The following SLC5A11 variants were observed in gnomAD, a reference collection of about 807,000 sequenced individuals.
SLC5A11 encodes sodium/myo-inositol cotransporter 2.
Under a neutral mutation model 69.8 loss-of-function variants are expected in SLC5A11, and 48 were observed. The observed-to-expected ratio is 0.69, with a 90% CI of 0.55 to 0.87. The LOEUF (loss-of-function observed/expected upper bound fraction) is 0.87, where lower values mean the gene tolerates loss of function less well. Ranked by LOEUF, SLC5A11 falls within the 40% of genes least tolerant of loss-of-function variation. SLC5A11 has a pLI of 0.00. For synonymous variants in SLC5A11, 319 were observed against 342.4 expected, an observed-to-expected ratio of 0.93 and a Z score of 0.75; for missense variants, 784 against 866.1, an observed-to-expected ratio of 0.91 and a Z score of 1.19.
At chr16:24,905,266 A>C (rs2049933829) in intron 10 of SLC5A11, among the ~76,000 whole-genome samples, 1 of 121,962 alleles carries the variant, frequency 8.2e-6, no homozygotes, top group Non-Finnish European at 1.7e-5. Context: ...TCTACTAAAA[A>C]TACAAAAAAA....
chr16:24,908,086 G>A (rs1219596649), exon 13 of SLC5A11: 17 of 1,607,972 alleles, frequency 1.1e-5, no homozygotes, highest in Middle Eastern at 1.7e-4. Flanking sequence ...CGCCTGTGGC[G>A]GTGGTCTTCA....
chr16:24,907,854 C>T (rs2050187887), intron 12 of SLC5A11, 109 bp from the exon 14 acceptor site: 1 of 1,453,358 alleles, frequency 6.9e-7, no homozygotes, highest in East Asian at 2.3e-5. Context: ...CCACTGCACC[C>T]CGGCCTTGGC....
intron 8 of SLC5A11, among the ~76,000 whole-genome samples, chr16:24,887,973 G>A (rs557209307): frequency 6.6e-6 from 1 of 152,014 alleles, no homozygotes; most frequent in Non-Finnish European, 1.5e-5. Flanking sequence ...GCTGTTATAG[G>A]TTGACAGAAA....
intron 3 of SLC5A11, among the ~76,000 whole-genome samples, chr16:24,869,379 G>A (rs890854584): frequency 5.3e-5 from 8 of 152,168 alleles, no homozygotes; most frequent in Admixed American, 2.0e-4. Flanking sequence ...GCTTGGGCCA[G>A]GTACCCAGGC....
chr16:24,874,797 G>T (rs2047561369), intron 5 of SLC5A11, among the ~76,000 whole-genome samples: 1 of 152,032 alleles, frequency 6.6e-6, no homozygotes. Context: ...GTCCAGGCTG[G>T]TGTTGAACTC....
intron 8 of SLC5A11, among the ~76,000 whole-genome samples, chr16:24,890,483 C>CAAAAAAAAAAAAAA (rs1171814653): frequency 2.6e-5 from 2 of 77,506 alleles, no homozygotes; most frequent in African/African-American, 1.2e-4. Context: ...GACTTCATAT[C>CAAAAAAAAAAAAAA]AAAAAAAAAA....
At chr16:24,862,486 T>C (rs1471615932) in intron 2 of SLC5A11, 115 bp from the exon 4 acceptor site, 1 of 635,902 alleles carries the variant, frequency 1.6e-6, no homozygotes, top group Non-Finnish European at 2.8e-6. Flanking sequence ...ATATTTGATA[T>C]CCGAATCTGG....
chr16:24,875,069 G>A (rs1567616717), intron 5 of SLC5A11, among the ~76,000 whole-genome samples: 1 of 151,808 alleles, frequency 6.6e-6, no homozygotes, highest in Non-Finnish European at 1.5e-5. Flanking sequence ...GAACTCCTGG[G>A]CTCAAGCAGT....
At chr16:24,902,467 T>C (rs910332840) in intron 10 of SLC5A11, among the ~76,000 whole-genome samples, 4 of 152,046 alleles carry the variant, frequency 2.6e-5, no homozygotes, top group Admixed American at 1.3e-4. Context: ...AAATTATGCC[T>C]GAAGACCTGG....
intron 10 of SLC5A11, among the ~76,000 whole-genome samples, chr16:24,899,913 A>G (rs527473015): frequency 6.6e-6 from 1 of 152,042 alleles, no homozygotes; most frequent in Non-Finnish European, 1.5e-5. Flanking sequence ...TGTGTTGCCC[A>G]GGCTAGTCTT....
At chr16:24,911,186 A>AAG (rs1555537329) in intron 15 of SLC5A11, 142 bp from the exon 17 acceptor site, 1 of 677,194 alleles carries the variant, frequency 1.5e-6, no homozygotes, top group East Asian at 2.7e-5. Flanking sequence ...AAAAAAAAAA[A>AAG]GGGAGATTTC....
At chr16:24,857,331 G>T (rs1036978924) in intron 1 of SLC5A11, among the ~76,000 whole-genome samples, 1 of 152,192 alleles carries the variant, frequency 6.6e-6, no homozygotes, top group Non-Finnish European at 1.5e-5. Flanking sequence ...ATAAGTCAAT[G>T]CCCTGATCAC....
chr16:24,871,169 A>C (rs2047272309), intron 4 of SLC5A11, among the ~76,000 whole-genome samples: 1 of 152,170 alleles, frequency 6.6e-6, no homozygotes, highest in African/African-American at 2.4e-5. Context: ...TTAGACCCAC[A>C]CTGCCTGGGT....
intron 9 of SLC5A11, among the ~76,000 whole-genome samples, chr16:24,896,710 A>C (rs1161753553): frequency 6.6e-6 from 1 of 152,152 alleles, no homozygotes; most frequent in Non-Finnish European, 1.5e-5. Flanking sequence ...TTGCTTGCCC[A>C]AGGTCAGATA....
Position 24,862,630 on chromosome 16 carries a change from GA to G in SLC5A11, c.168del (p.Gly57AlafsTer54). ...CAGTGAAGACCAAAAGAGACACAGTGAAAGGCTACTTCCTGGCTGGAGGGGA... is the reference window on the plus strand; with the variant it reads ...CAGTGAAGACCAAAAGAGACACAGTGAAGGCTACTTCCTGGCTGGAGGGGA... On this transcript the variant is annotated frameshift_variant, in exon 3 of 16. Coordinates refer to ENST00000347898, the Ensembl canonical transcript of SLC5A11. LOFTEE classifies it high-confidence loss of function. 6.2e-7 allele frequency: 1 copy of G among 1,613,572 alleles called. No individual in the cohort carries two copies. The highest frequency in any genetic ancestry group is 8.5e-7 in the Non-Finnish European group (1 of 1,179,746).
At chr16:24,898,257 G>A (rs1249306016) in intron 10 of SLC5A11, 148 bp downstream of exon 11, 6 of 1,140,146 alleles carry the variant, frequency 5.3e-6, no homozygotes, top group Non-Finnish European at 7.3e-6. Context: ...TGTCATTCAG[G>A]TTGGAGTGCA....
At chr16:24,869,593 G>T (rs548432025) in intron 3 of SLC5A11, among the ~76,000 whole-genome samples, 17 of 152,092 alleles carry the variant, frequency 1.1e-4, no homozygotes, top group African/African-American at 3.9e-4. Context: ...CCCGACCCCC[G>T]CAGGGATACT....
intron 3 of SLC5A11, among the ~76,000 whole-genome samples, chr16:24,863,222 C>A (rs2046714646): frequency 2.0e-5 from 3 of 151,584 alleles, no homozygotes. Flanking sequence ...ATGTGCTTTT[C>A]TCCTCTGGAC....
At chr16:24,871,551 G>A (rs10468230) in intron 4 of SLC5A11, among the ~76,000 whole-genome samples, 16,538 of 152,110 alleles carry the variant, frequency 0.11, 979 homozygotes, top group South Asian at 0.14. Flanking sequence ...GGGATTACAG[G>A]CGTGACTCAC....
Sources: allele counts gnomAD v4.1 joint callset (sites outside exome capture counted in the v4.1 genomes callset), GRCh38; gene constraint gnomAD v4.1.1; transcripts MANE v1.5; gene names NCBI Gene and HGNC (gene_info 2026-07-23, HGNC 2026-07-21).